EPHA3: variants seen among roughly 807,000 people sequenced by gnomAD.
EPHA3 encodes ephrin type-A receptor 3.
A neutral mutation model predicts 107.1 loss-of-function variants in EPHA3; 42 were observed. That is an observed-to-expected ratio of 0.39 (90% CI 0.31 to 0.51). EPHA3 has a LOEUF of 0.51. EPHA3 is among the 20% of genes least tolerant of loss of function. The pLI is 0.78. For synonymous variants in EPHA3, 461 were observed against 424.8 expected (o/e 1.09, Z -1.05); for missense variants, 1,183 against 1,211.2 (o/e 0.98, Z 0.35).
At chr3:89,247,348 G>A (rs1476263326) in intron 3 of EPHA3, among the ~76,000 whole-genome samples, 1 of 152,114 alleles carries the variant, frequency 6.6e-6, no homozygotes, top group African/African-American at 2.4e-5. Context: ...AGGTGAAAAT[G>A]GATAAATGAA....
intron 11 of EPHA3, among the ~76,000 whole-genome samples, 195 bp from the exon 12 acceptor site, chr3:89,428,911 C>A (rs535214152): frequency 1.6e-4 from 25 of 152,150 alleles, no homozygotes; most frequent in Middle Eastern, 6.8e-3. Context: ...GGAAACCAAT[C>A]TTCTCCAATT....
At chr3:89,226,377 C>T (rs1235874351) in intron 3 of EPHA3, among the ~76,000 whole-genome samples, 1 of 152,096 alleles carries the variant, frequency 6.6e-6, no homozygotes, top group Non-Finnish European at 1.5e-5. Context: ...TTAGGTTTAT[C>T]ATAAGAGGGA....
At chr3:89,149,570 G>A (rs987988307) in intron 2 of EPHA3, among the ~76,000 whole-genome samples, 1 of 151,656 alleles carries the variant, frequency 6.6e-6, no homozygotes, top group East Asian at 1.9e-4. Flanking sequence ...GTGCCATGTT[G>A]TGTGCTGCAC....
intron 15 of EPHA3, among the ~76,000 whole-genome samples, chr3:89,458,591 G>A (rs184114953): frequency 2.7e-3 from 404 of 152,172 alleles, no homozygotes; most frequent in African/African-American, 9.2e-3. Context: ...TTGTGGAATC[G>A]CCACACTCTC....
chr3:89,372,181 A>G lies in EPHA3; in HGVS notation c.1307-23656A>G, dbSNP rs527399017. Among the ~76,000 whole-genome samples the G allele has an allele frequency of 2.1e-4, 32 of 151,726 alleles. 1 individual carries two copies. The South Asian group carries it at 6.4e-3, about 30-fold the overall frequency. On this transcript the variant is annotated intron_variant, in intron 5 of 16. Transcript: ENST00000336596. ...GATTGATCCATCTGAAGGTTTTGGA[A>G]CCAGTCAGCCTCAGTGGGATGTACT... is the stretch of plus-strand genomic sequence containing the variant.
At chr3:89,253,847 A>G (rs577515237) in intron 3 of EPHA3, among the ~76,000 whole-genome samples, 1 of 151,992 alleles carries the variant, frequency 6.6e-6, no homozygotes, top group Non-Finnish European at 1.5e-5. Context: ...TAGCAAAAGC[A>G]TGTATTATGG....
intron 2 of EPHA3, among the ~76,000 whole-genome samples, chr3:89,150,742 G>T: frequency 6.6e-6 from 1 of 152,068 alleles, no homozygotes; most frequent in East Asian, 1.9e-4. Flanking sequence ...ATGACGGACT[G>T]TTTCAAGTAG....
At chr3:89,476,762 C>T (rs928727079) in intron 16 of EPHA3, among the ~76,000 whole-genome samples, 15 of 151,736 alleles carry the variant, frequency 9.9e-5, no homozygotes, top group Middle Eastern at 3.4e-3. Flanking sequence ...CGCCCGCCAC[C>T]ACGCCCCGCT....
At chr3:89,396,279 A>G (rs1409523094) in intron 6 of EPHA3, among the ~76,000 whole-genome samples, 1 of 152,132 alleles carries the variant, frequency 6.6e-6, no homozygotes, top group Admixed American at 6.5e-5. Context: ...GTGGTTTCTT[A>G]GTCTATTTGT....
chr3:89,460,157 A>G (rs1436265938), intron 15 of EPHA3, among the ~76,000 whole-genome samples: 1 of 152,092 alleles, frequency 6.6e-6, no homozygotes, highest in Admixed American at 6.6e-5. Flanking sequence ...AATTTTGAAG[A>G]GATGTATGTG....
At chr3:89,235,365 T>C (rs1003719967) in intron 3 of EPHA3, among the ~76,000 whole-genome samples, 2 of 152,160 alleles carry the variant, frequency 1.3e-5, no homozygotes, top group Non-Finnish European at 2.9e-5. Context: ...AATAACAATC[T>C]AGAGATGTGA....
At chr3:89,123,878 C>G (rs1453880518) in intron 1 of EPHA3, among the ~76,000 whole-genome samples, 1 of 152,062 alleles carries the variant, frequency 6.6e-6, no homozygotes, top group East Asian at 1.9e-4. Context: ...TTTTCTGTTA[C>G]ACACCAAAAA....
intron 2 of EPHA3, among the ~76,000 whole-genome samples, chr3:89,205,282 C>A (rs2107170900): frequency 6.6e-6 from 1 of 152,194 alleles, no homozygotes; most frequent in Non-Finnish European, 1.5e-5. Context: ...TTCTTAATTA[C>A]CATAATGATG....
At chr3:89,253,713 CAGTT>C (rs1473474665) in intron 3 of EPHA3, among the ~76,000 whole-genome samples, 1 of 151,872 alleles carries the variant, frequency 6.6e-6, no homozygotes, top group Non-Finnish European at 1.5e-5. Context: ...TGAGTTTAGT[CAGTT>C]AATAAGGAAG....
chr3:89,283,014 C>G (rs1204130851), intron 3 of EPHA3, among the ~76,000 whole-genome samples: 1 of 151,988 alleles, frequency 6.6e-6, no homozygotes, highest in Non-Finnish European at 1.5e-5. Flanking sequence ...AGTTTCTGTA[C>G]TTTATTTGAT....
chr3:89,356,524 T>C (rs1397273391), intron 5 of EPHA3, among the ~76,000 whole-genome samples: 1 of 151,374 alleles, frequency 6.6e-6, no homozygotes, highest in Non-Finnish European at 1.5e-5. Context: ...ATGATTGCCA[T>C]TCTAGTAAGA....
intron 3 of EPHA3, among the ~76,000 whole-genome samples, chr3:89,215,428 A>T (rs1390957841): frequency 6.6e-6 from 1 of 151,894 alleles, no homozygotes; most frequent in African/African-American, 2.4e-5. Flanking sequence ...CTATAAAAAC[A>T]ATATAAATTT....
chr3:89,131,460 A>ATTGT (rs1234825935), intron 2 of EPHA3, among the ~76,000 whole-genome samples: 1 of 152,164 alleles, frequency 6.6e-6, no homozygotes, highest in African/African-American at 2.4e-5. Flanking sequence ...TGATTGATTG[A>ATTGT]TTGACTGATT....
At chr3:89,276,945 T>A (rs577528258) in intron 3 of EPHA3, among the ~76,000 whole-genome samples, 3 of 152,152 alleles carry the variant, frequency 2.0e-5, no homozygotes, top group Non-Finnish European at 4.4e-5. Flanking sequence ...TTTCAATGAG[T>A]ATATCCCTTT....
Sources: allele counts gnomAD v4.1 joint callset (sites outside exome capture counted in the v4.1 genomes callset), GRCh38; gene constraint gnomAD v4.1.1; transcripts MANE v1.5; gene names NCBI Gene and HGNC (gene_info 2026-07-23, HGNC 2026-07-21).